Variants in SHROOM2 observed in about 807,000 individuals in gnomAD.
SHROOM2 encodes the protein protein Shroom2.
SHROOM2 carries 33 observed loss-of-function variants against 75.9 expected under a neutral mutation model. That is an observed-to-expected ratio of 0.43 (90% CI 0.33 to 0.58). SHROOM2 has a LOEUF of 0.58. SHROOM2 is among the 20% of genes least tolerant of loss of function. The pLI is 0.04. For synonymous variants in SHROOM2, 655 were observed against 663.6 expected (o/e 0.99, Z 0.20); for missense variants, 1,434 against 1,461.2 (o/e 0.98, Z 0.30).
At position 9,935,286 on chromosome X, in the gene SHROOM2, A is replaced by G. The variant is rs774283880; in HGVS notation, c.3588-1848A>G. On this transcript the variant is annotated intron_variant, in intron 6 of 9. Transcript: ENST00000380913. ...TTCTGCGTTTGCTGGTGCTTGGATA[A>G]GGTGGCCAGGTTTTCCTCCTTCTTT... 4.7e-5 allele frequency among the ~76,000 whole-genome samples: 5 copies of G among 106,468 alleles called. No homozygotes were observed. The East Asian group carries it at 1.5e-3, about 32-fold the overall frequency. The allele number at this position is 106,468 out of a possible 115,157, so 92.5% of individuals were successfully genotyped here. A position where few individuals can be genotyped will look rare whatever the true frequency, so the allele number is the denominator to read the frequency against.
At chrX:9,877,157 C>G (rs1276948482) in intron 2 of SHROOM2, among the ~76,000 whole-genome samples, 1 of 111,887 alleles carries the variant, frequency 8.9e-6, no homozygotes, top group Non-Finnish European at 1.9e-5. Context: ...GCATGGGCAA[C>G]GTGGACCTTG....
At chrX:9,868,480 G>T (rs1382565396) in intron 1 of SHROOM2, among the ~76,000 whole-genome samples, 1 of 109,187 alleles carries the variant, frequency 9.2e-6, no homozygotes, top group Non-Finnish European at 1.9e-5. Flanking sequence ...TCCTGACCTC[G>T]TGATCCACCC....
intron 2 of SHROOM2, among the ~76,000 whole-genome samples, chrX:9,875,521 A>C: frequency 8.9e-6 from 1 of 111,805 alleles, no homozygotes; most frequent in African/African-American, 3.3e-5. Context: ...AGAGACCCCA[A>C]AAACACTGGG....
At chrX:9,787,448 A>G (rs1390015776) in intron 1 of SHROOM2, among the ~76,000 whole-genome samples, 4 of 112,811 alleles carry the variant, frequency 3.5e-5, no homozygotes, top group African/African-American at 9.6e-5. Flanking sequence ...AAGCAAACAC[A>G]TAAACAACAG....
Position 9,787,188 on chromosome X carries a change from A to G in SHROOM2, c.165+478A>G, listed in dbSNP as rs185277843. On this transcript the variant is annotated intron_variant, in intron 1 of 9. Transcript: ENST00000380913. ...ACTTCTCGATTCCCTTCAGCCCATC[A>G]ATGTTTACTGACTTTCGGCTTCCAG... Among the ~76,000 whole-genome samples the G allele has an allele frequency of 4.7e-3, 532 of 112,019 alleles. 2 individuals carry two copies. The highest frequency in any genetic ancestry group is 0.016 in the African/African-American group (503 of 30,869).
chrX:9,895,053 C>T lies in SHROOM2; in HGVS notation c.1145C>T (p.Ser382Leu). 1 of 1,205,090 alleles carries T rather than the reference C, an allele frequency of 8.3e-7. No homozygotes were observed. ...CACCCGGGGAGCCTCGGGAAGGGAT[C>T]GGGAGGCCCGGGCTGCCCACAGGAG... ...SAHPGSLGKG[S>L]GGPGCPQEAH... The change falls in exon 4 of 10, where the codon TCG (serine) becomes TTG (leucine). Residue 382 changes from serine (S) to leucine (L), a missense_variant. Transcript: ENST00000380913.
Position 9,873,665 on chromosome X carries a change from G to A in SHROOM2, c.179G>A (p.Ser60Asn). The A allele has an allele frequency of 8.3e-7, 1 of 1,211,770 alleles. No individual in the cohort carries two copies. Among genetic ancestry groups the A allele is most frequent in the Non-Finnish European group, 1.1e-6 (1 of 895,402 alleles). ...PLVITKIEEG[S>N]KAAAVDKLLA... ...TCTCTGTTACAGATTGAAGAGGGCAGTAAAGCCGCGGCGGTCGACAAGTTA... is the reference window on the plus strand; with the variant it reads ...TCTCTGTTACAGATTGAAGAGGGCAATAAAGCCGCGGCGGTCGACAAGTTA... Residue 60 changes from serine to asparagine, a missense_variant, in exon 2 of 10, where the codon AGT (serine) becomes AAT (asparagine). Physicochemically the swap from Ser to Asn is conservative, Grantham distance 46. Transcript: ENST00000380913.
Position 9,895,850 on chromosome X carries a change from G to A in SHROOM2, c.1942G>A (p.Val648Met). Residue 648 changes from valine to methionine, a missense_variant, in exon 4 of 10, where the codon GTG (valine) becomes ATG (methionine). This residue lies in a region of SHROOM2 where 1,340 missense variants were observed against 1,338.3 expected (regional missense o/e 1.00). Coordinates refer to ENST00000380913, the MANE Select transcript of SHROOM2 (RefSeq NM_001649.4). ...CAAGCTGCAGAAGAGCCGGAGCACA[G>A]TGGCTCTGACTGCAGCAGGGGAGGC... is the stretch of plus-strand genomic sequence containing the variant. Reference protein sequence around the residue: ...RAKLQKSRSTVALTAAGEAED... With the variant: ...RAKLQKSRSTMALTAAGEAED... The A allele has an allele frequency of 8.3e-6, 10 of 1,205,113 alleles. No homozygotes were observed. The highest frequency in any genetic ancestry group is 1.0e-5 in the Non-Finnish European group (9 of 892,079).
Position 9,949,198 on chromosome X carries a change from G to A in SHROOM2, c.*2261G>A. The A allele has an allele frequency of 3.7e-6, 1 of 270,937 alleles. No individual in the cohort carries two copies. Among genetic ancestry groups the A allele is most frequent in the Non-Finnish European group, 7.1e-6 (1 of 141,685 alleles). 22.3% of individuals were successfully genotyped at this position (270,937 alleles called of 1,213,427 possible). A position where few individuals can be genotyped will look rare whatever the true frequency, so the allele number is the denominator to read the frequency against. On this transcript the variant is annotated 3_prime_UTR_variant, in exon 10 of 10. Coordinates refer to ENST00000380913, the MANE Select transcript of SHROOM2 (RefSeq NM_001649.4). The stretch of plus-strand genomic sequence containing the variant: ...AACATCCATAACTCTGTATCTAGTT[G>A]TATTATTCATAGAAAATCAATCTGG...
intron 1 of SHROOM2, among the ~76,000 whole-genome samples, chrX:9,855,306 A>T (rs922330168): frequency 9.5e-6 from 1 of 104,822 alleles, no homozygotes; most frequent in African/African-American, 3.5e-5. Flanking sequence ...AAAAAAAAAA[A>T]AAAAAAAAAA....
intron 1 of SHROOM2, among the ~76,000 whole-genome samples, chrX:9,789,735 G>A (rs1299857978): frequency 1.8e-5 from 2 of 111,432 alleles, no homozygotes; most frequent in Non-Finnish European, 3.8e-5. Context: ...AGGAATGTTT[G>A]TTAAGGGAGG....
intron 1 of SHROOM2, among the ~76,000 whole-genome samples, chrX:9,855,576 C>G (rs375809707): frequency 3.8e-4 from 42 of 110,999 alleles, no homozygotes; most frequent in African/African-American, 1.4e-3. Context: ...GATATTGCAT[C>G]AGATTTTGTC....
At chrX:9,891,417 CTTTCCAGGGTTTTACACA>C (rs1470388868) in intron 3 of SHROOM2, among the ~76,000 whole-genome samples, 1 of 112,512 alleles carries the variant, frequency 8.9e-6, no homozygotes, top group Non-Finnish European at 1.9e-5. Flanking sequence ...CACCCCTCTC[CTTTCCAGGGTTTTACACA>C]TGGACTGGAA....
At chrX:9,825,567 C>T (rs1010060501) in intron 1 of SHROOM2, among the ~76,000 whole-genome samples, 27 of 112,526 alleles carry the variant, frequency 2.4e-4, no homozygotes, top group Non-Finnish European at 2.3e-4. Flanking sequence ...AAGATGCAAT[C>T]TTGTCTGTAG....
intron 1 of SHROOM2, among the ~76,000 whole-genome samples, chrX:9,821,464 T>A (rs1025369781): frequency 9.0e-6 from 1 of 111,118 alleles, no homozygotes; most frequent in African/African-American, 3.3e-5. Context: ...ATGGGAGCAG[T>A]TGTGGCTTTT....
intron 1 of SHROOM2, among the ~76,000 whole-genome samples, chrX:9,850,397 TCGC>T (rs1188433436): frequency 8.9e-6 from 1 of 112,176 alleles, no homozygotes; most frequent in Non-Finnish European, 1.9e-5. Flanking sequence ...TTCCAAAAAG[TCGC>T]TTCAGGTTAT....
At position 9,896,082 on chromosome X, in the gene SHROOM2, C is replaced by G; in HGVS notation, c.2174C>G (p.Pro725Arg). The G allele has an allele frequency of 8.3e-7, 1 of 1,210,485 alleles. No individual in the cohort carries two copies. The highest frequency in any genetic ancestry group is 1.1e-6 in the Non-Finnish European group (1 of 895,198). The part of the protein sequence containing the change: ...EHRMGDPDTV[P>R]HFWEAGLAQP... ...CGGATGGGGGATCCAGACACTGTCCCCCACTTCTGGGAGGCAGGCCTGGCC... is the reference window on the plus strand; with the variant it reads ...CGGATGGGGGATCCAGACACTGTCCGCCACTTCTGGGAGGCAGGCCTGGCC... The change falls in exon 4 of 10, where the codon CCC (proline) becomes CGC (arginine). Residue 725 changes from proline (P) to arginine (R), a missense_variant. Transcript: ENST00000380913.
chrX:9,857,578 A>G (rs1394978967), intron 1 of SHROOM2, among the ~76,000 whole-genome samples: 1 of 109,519 alleles, frequency 9.1e-6, no homozygotes, highest in Non-Finnish European at 1.9e-5. Flanking sequence ...TTGTAGAGAT[A>G]GGGCCTCACC....
intron 8 of SHROOM2, among the ~76,000 whole-genome samples, chrX:9,941,937 C>G (rs1391833976): frequency 1.0e-5 from 1 of 98,956 alleles, no homozygotes; most frequent in Non-Finnish European, 2.0e-5. Context: ...CGCCACTGCA[C>G]TCCAGCCTGG....
Sources: allele counts gnomAD v4.1 joint callset (sites outside exome capture counted in the v4.1 genomes callset), GRCh38; gene constraint gnomAD v4.1.1; regional missense constraint gnomAD v4.1.1; transcripts MANE v1.5; gene names NCBI Gene and HGNC (gene_info 2026-07-23, HGNC 2026-07-21).